The following RNF169 variants were observed in gnomAD, a reference collection of about 807,000 sequenced individuals.
RNF169 encodes the protein ring finger protein 169.
Under a neutral mutation model 53.9 loss-of-function variants are expected in RNF169, and 24 were observed. The observed-to-expected ratio is 0.45, with a 90% CI of 0.32 to 0.63. The LOEUF (loss-of-function observed/expected upper bound fraction) is 0.63. RNF169 is among the 20% of genes least tolerant of loss of function. The pLI is 0.04. For synonymous variants in RNF169, 396 were observed against 363.5 expected, an observed-to-expected ratio of 1.09 and a Z score of -1.02; for missense variants, 883 against 906.2, an observed-to-expected ratio of 0.97 and a Z score of 0.33.
Position 74,839,453 on chromosome 11 carries a change from T to C in RNF169, c.*2723T>C, listed in dbSNP as rs1315956173. 1 of 152,210 alleles carries C rather than the reference T, an allele frequency of 6.6e-6. No individual in the cohort carries two copies. Among genetic ancestry groups the C allele is most frequent in the Non-Finnish European group, 1.5e-5 (1 of 68,038 alleles). The allele number at this position is 152,210 out of a possible 1,614,324, so 9.4% of individuals were successfully genotyped here. On this transcript the variant is annotated 3_prime_UTR_variant, in exon 6 of 6. Coordinates refer to ENST00000299563, the MANE Select transcript of RNF169 (RefSeq NM_001098638.2). ...TAAAAGTCGATATGTTGATGTGTATTATTTGGGGGAACAGAAAAGGACAAG... is the reference window on the plus strand; with the variant it reads ...TAAAAGTCGATATGTTGATGTGTATCATTTGGGGGAACAGAAAAGGACAAG...
chr11:74,763,245 C>T (rs1227084789), intron 1 of RNF169, among the ~76,000 whole-genome samples: 2 of 152,054 alleles, frequency 1.3e-5, no homozygotes, highest in South Asian at 2.1e-4. Context: ...CTGAGAGGTA[C>T]GTCCATACCT....
chr11:74,836,225 C>T lies in RNF169; in HGVS notation c.1622C>T (p.Thr541Ile). Residue 541 changes from threonine to isoleucine, a missense_variant, in exon 6 of 6, where the codon ACT becomes ATT. Coordinates refer to ENST00000299563, the MANE Select transcript of RNF169 (RefSeq NM_001098638.2). ...GAACTCAAAGGGGGAGGCAGTGGGA[C>T]TTCTTTGGAGAGGGAGCAGTTTGAG... The part of the protein sequence containing the change: ...SSELKGGGSG[T>I]SLEREQFEGL... 1 of 1,614,160 alleles carries T rather than the reference C, an allele frequency of 6.2e-7. No individual in the cohort carries two copies.
chr11:74,827,443 C>G (rs927051704), intron 4 of RNF169, among the ~76,000 whole-genome samples: 4 of 152,202 alleles, frequency 2.6e-5, no homozygotes, highest in Non-Finnish European at 5.9e-5. Context: ...ATTGTCTTGG[C>G]AATTAACATT....
chr11:74,830,195 T>C (rs1269842936), intron 4 of RNF169, among the ~76,000 whole-genome samples: 1 of 151,902 alleles, frequency 6.6e-6, no homozygotes. Flanking sequence ...ACATTTAAGA[T>C]TAACAGAGAA....
chr11:74,820,965 A>T (rs560641082), intron 4 of RNF169, among the ~76,000 whole-genome samples: 26 of 152,260 alleles, frequency 1.7e-4, no homozygotes, highest in South Asian at 6.2e-4. Context: ...GTGTGACATC[A>T]CTGTTTTACA....
rs934367214 is a variant in RNF169, at chr11:74,810,128, G to A, written c.577-56G>A. On this transcript the variant is annotated intron_variant, in intron 2 of 5. Coordinates refer to ENST00000299563, the MANE Select transcript of RNF169 (RefSeq NM_001098638.2). ...TCTAATAAACTACAGAGTAAAATAT[G>A]TTTTTAAGTTTAGAGTTGCCTAAAA... 2.7e-6 allele frequency: 4 copies of A among 1,474,128 alleles called. No individual in the cohort carries two copies. In the African/African-American group the frequency reaches 4.3e-5, roughly 16 times the overall value. The allele number at this position is 1,474,128 out of a possible 1,614,324, so 91.3% of individuals were successfully genotyped here.
chr11:74,780,073 T>A (rs1195367453), intron 1 of RNF169, among the ~76,000 whole-genome samples: 1 of 152,238 alleles, frequency 6.6e-6, no homozygotes, highest in Non-Finnish European at 1.5e-5. Context: ...CTTTGTTTCA[T>A]TGCCTGCCTT....
rs532572002 is a variant in RNF169 at position 74,751,212 on chromosome 11, A to G, written c.502+1830A>G. On this transcript the variant is annotated intron_variant, in intron 1 of 5. Transcript: ENST00000299563. ...AGCTTCACAACATCCCTATGAGATA[A>G]GTACTTTTATTTCCATTTTATAGAT... Among the ~76,000 whole-genome samples the G allele has an allele frequency of 9.2e-5, 14 of 152,200 alleles. No individual in the cohort carries two copies. In the South Asian group the frequency reaches 2.7e-3, roughly 29 times the overall value.
intron 2 of RNF169, among the ~76,000 whole-genome samples, chr11:74,809,661 A>G (rs1204379224): frequency 6.6e-6 from 1 of 152,250 alleles, no homozygotes; most frequent in African/African-American, 2.4e-5. Context: ...CTCTACTATT[A>G]TAAAATTAGA....
intron 4 of RNF169, among the ~76,000 whole-genome samples, chr11:74,825,914 G>A (rs912946419): frequency 2.0e-5 from 3 of 152,126 alleles, no homozygotes; most frequent in African/African-American, 4.8e-5. Context: ...AGTTCCATGT[G>A]GCTGGGGGAG....
intron 2 of RNF169, among the ~76,000 whole-genome samples, chr11:74,803,428 A>T (rs1041511185): frequency 3.3e-5 from 5 of 152,066 alleles, no homozygotes; most frequent in Non-Finnish European, 5.9e-5. Context: ...GAGATATGAG[A>T]TATGTTCTGG....
intron 1 of RNF169, among the ~76,000 whole-genome samples, chr11:74,766,086 TA>T (rs1251915633): frequency 6.6e-6 from 1 of 152,018 alleles, no homozygotes; most frequent in Non-Finnish European, 1.5e-5. Flanking sequence ...AATGAAGATT[TA>T]AAAAAACCTA....
rs1471676078 is a variant in RNF169 at position 74,836,715 on chromosome 11, G to C, written c.2112G>C (p.Met704Ile). ...AGTATCTCCTACGGTCCAGCAACAT[G>C]GCCGGGGCCAAGTAGCACCTAATGA... is the stretch of plus-strand genomic sequence containing the variant. Reference protein sequence around the residue: ...VDQYLLRSSNMAGAK With the variant: ...VDQYLLRSSNIAGAK Residue 704 changes from methionine to isoleucine, a missense_variant, in exon 6 of 6, where the codon ATG becomes ATC. Coordinates refer to ENST00000299563, the MANE Select transcript of RNF169 (RefSeq NM_001098638.2). The C allele has an allele frequency of 1.2e-6, 2 of 1,609,190 alleles. No homozygotes were observed. Among genetic ancestry groups the C allele is most frequent in the East Asian group, 4.5e-5 (2 of 44,854 alleles).
intron 2 of RNF169, among the ~76,000 whole-genome samples, chr11:74,795,476 C>T (rs1294885131): frequency 6.6e-6 from 1 of 152,132 alleles, no homozygotes; most frequent in South Asian, 2.1e-4. Context: ...AGCCCGTTTC[C>T]CCCAGTTTTA....
At chr11:74,750,625 T>G (rs1272463409) in intron 1 of RNF169, among the ~76,000 whole-genome samples, 1 of 112,680 alleles carries the variant, frequency 8.9e-6, no homozygotes, top group African/African-American at 3.4e-5. Context: ...TGAGATGGAG[T>G]CTCGCACTGT....
At chr11:74,763,893 C>G (rs2035130091) in intron 1 of RNF169, among the ~76,000 whole-genome samples, 1 of 152,184 alleles carries the variant, frequency 6.6e-6, no homozygotes, top group African/African-American at 2.4e-5. Flanking sequence ...GTAGCTCAGG[C>G]TTGAGTACAA....
intron 2 of RNF169, among the ~76,000 whole-genome samples, chr11:74,798,508 A>T (rs1453244719): frequency 2.0e-5 from 3 of 152,202 alleles, no homozygotes; most frequent in Admixed American, 6.5e-5. Context: ...ATAAGATGTT[A>T]TCAATGACAG....
chr11:74,821,380 C>CAGAATAGGCAAATACGTA (rs1191987791), intron 4 of RNF169, among the ~76,000 whole-genome samples: 5 of 130,670 alleles, frequency 3.8e-5, no homozygotes, highest in South Asian at 2.5e-4. Context: ...AAGTGCGGGC[C>CAGAATAGGCAAATACGTA]GGGCGCGGTG....
chr11:74,788,576 G>T (rs1245855322), intron 1 of RNF169, among the ~76,000 whole-genome samples: 1 of 152,042 alleles, frequency 6.6e-6, no homozygotes, highest in African/African-American at 2.4e-5. Flanking sequence ...TGTATTTTTA[G>T]TAGAGATGGG....
Sources: allele counts gnomAD v4.1 joint callset (sites outside exome capture counted in the v4.1 genomes callset), GRCh38; gene constraint gnomAD v4.1.1; transcripts MANE v1.5; gene names NCBI Gene and HGNC (gene_info 2026-07-23, HGNC 2026-07-21).